Variants in GNAQ observed in about 807,000 individuals in gnomAD.
GNAQ encodes the protein G protein subunit alpha q, also known as guanine nucleotide-binding protein G(q) subunit alpha.
In GNAQ, 8 loss-of-function variants were observed where a neutral mutation model predicts 43.9. The observed-to-expected ratio is 0.18, with a 90% confidence interval of 0.11 to 0.33. The LOEUF is 0.33. Among genes scored for constraint, GNAQ ranks in the 10% least tolerant of loss-of-function variants. GNAQ has a pLI of 1.00. For missense variants in GNAQ, 158 were observed against 450.8 expected (o/e 0.35, Z 5.88); for synonymous variants, 155 against 170.7 (o/e 0.91, Z 0.71).
chr9:77,893,712 G>A (rs1828441725), intron 2 of GNAQ, among the ~76,000 whole-genome samples: 1 of 152,164 alleles, frequency 6.6e-6, no homozygotes, highest in Admixed American at 6.5e-5. Context: ...AAGCTGGGTT[G>A]TAAGGAAAAC....
chr9:78,029,817 T>C (rs1476146535), intron 1 of GNAQ, among the ~76,000 whole-genome samples: 2 of 152,224 alleles, frequency 1.3e-5, no homozygotes, highest in Non-Finnish European at 2.9e-5. Context: ...CAATATTCTT[T>C]TCTTACAGAA....
intron 2 of GNAQ, among the ~76,000 whole-genome samples, chr9:77,816,201 C>G (rs1295219251): frequency 6.6e-6 from 1 of 152,098 alleles, no homozygotes; most frequent in East Asian, 1.9e-4. Flanking sequence ...TGTTGTATGT[C>G]TAAGCAGAAA....
intron 2 of GNAQ, among the ~76,000 whole-genome samples, chr9:77,858,642 G>A (rs1827796720): frequency 6.6e-6 from 1 of 151,580 alleles, no homozygotes. Flanking sequence ...TGGAAATGCT[G>A]CCTAGTTCTC....
intron 2 of GNAQ, among the ~76,000 whole-genome samples, chr9:77,885,642 A>G (rs995366564): frequency 1.3e-5 from 2 of 152,124 alleles, no homozygotes; most frequent in African/African-American, 4.8e-5. Context: ...CAGGCCCCAA[A>G]TCTGAGGTTA....
intron 1 of GNAQ, among the ~76,000 whole-genome samples, chr9:77,954,191 G>A (rs1330468506): frequency 6.6e-6 from 1 of 152,172 alleles, no homozygotes; most frequent in Non-Finnish European, 1.5e-5. Flanking sequence ...ATTCAGCTGA[G>A]TTTCACTGCA....
At chr9:77,733,094 C>T (rs540488986) in intron 5 of GNAQ, among the ~76,000 whole-genome samples, 4 of 152,220 alleles carry the variant, frequency 2.6e-5, no homozygotes, top group South Asian at 2.1e-4. Context: ...AAGGGTAGAA[C>T]ACTAAACTGG....
chr9:77,777,315 T>C (rs1393503938), intron 5 of GNAQ, among the ~76,000 whole-genome samples: 3 of 152,094 alleles, frequency 2.0e-5, no homozygotes, highest in African/African-American at 7.2e-5. Flanking sequence ...AATACCATTG[T>C]AAATCAAGAG....
rs115831145 is a variant in GNAQ at position 77,944,335 on chromosome 9, C to G, written c.137-21990G>C. ...GCCATACCAGATCACCTGGCTCCAT[C>G]AAACAACCAATAGAGGCTGTTTTAT... On this transcript the variant is annotated intron_variant, in intron 1 of 6. Coordinates refer to ENST00000286548, the MANE Select transcript of GNAQ (RefSeq NM_002072.5). Among the ~76,000 whole-genome samples the G allele has an allele frequency of 4.8e-3, 732 of 151,690 alleles. 8 individuals are homozygous for G. Among genetic ancestry groups the G allele is most frequent in the African/African-American group, 0.017 (706 of 41,280 alleles).
intron 2 of GNAQ, among the ~76,000 whole-genome samples, chr9:77,860,418 G>A (rs2117970321): frequency 6.6e-6 from 1 of 152,320 alleles, no homozygotes; most frequent in East Asian, 1.9e-4. Context: ...ACCCCAGGGG[G>A]TATTCTGTTG....
intron 2 of GNAQ, among the ~76,000 whole-genome samples, chr9:77,853,175 T>C (rs1827697463): frequency 6.6e-6 from 1 of 152,200 alleles, no homozygotes; most frequent in African/African-American, 2.4e-5. Flanking sequence ...TCCTGTTTCA[T>C]GGTCTTCCAC....
chr9:77,815,858 A>G, intron 2 of GNAQ, 88 bp from the exon 3 acceptor site: 2 of 783,084 alleles, frequency 2.6e-6, no homozygotes. Flanking sequence ...CAATTCAGGT[A>G]ACACCTTCCT....
At chr9:77,944,150 T>C (rs1829354160) in intron 1 of GNAQ, among the ~76,000 whole-genome samples, 1 of 152,114 alleles carries the variant, frequency 6.6e-6, no homozygotes, top group African/African-American at 2.4e-5. Flanking sequence ...ATACATAATA[T>C]TAACAATAGG....
chr9:77,793,790 C>T (rs534280781), intron 5 of GNAQ, among the ~76,000 whole-genome samples: 31 of 152,198 alleles, frequency 2.0e-4, no homozygotes, highest in African/African-American at 7.2e-4. Flanking sequence ...ATCGTCAGGT[C>T]TTTACCATCC....
At chr9:77,862,371 T>C (rs1046470032) in intron 2 of GNAQ, among the ~76,000 whole-genome samples, 2 of 152,192 alleles carry the variant, frequency 1.3e-5, no homozygotes, top group Non-Finnish European at 2.9e-5. Flanking sequence ...GGCATTTCCA[T>C]ACATCCTCTG....
chr9:77,728,094 A>G (rs376318799), intron 6 of GNAQ, among the ~76,000 whole-genome samples: 112 of 152,076 alleles, frequency 7.4e-4, no homozygotes, highest in African/African-American at 2.5e-3. Flanking sequence ...TCCCGGGTTC[A>G]AGCAATTCTC....
At chr9:77,989,285 T>C (rs1823479846) in intron 1 of GNAQ, among the ~76,000 whole-genome samples, 1 of 152,158 alleles carries the variant, frequency 6.6e-6, no homozygotes, top group African/African-American at 2.4e-5. Flanking sequence ...CCATTAAACA[T>C]TTGCCAGCAA....
intron 5 of GNAQ, among the ~76,000 whole-genome samples, chr9:77,760,740 G>T (rs533405114): frequency 2.0e-5 from 3 of 151,294 alleles, no homozygotes; most frequent in Admixed American, 6.6e-5. Context: ...CTGCCCGGCC[G>T]CCATCCCATC....
intron 5 of GNAQ, among the ~76,000 whole-genome samples, chr9:77,782,794 G>C (rs1051240340): frequency 1.3e-5 from 2 of 152,180 alleles, no homozygotes; most frequent in Non-Finnish European, 2.9e-5. Flanking sequence ...TCTAGACAAT[G>C]AACTATTTCA....
In GNAQ at chr9:77,728,683, AAATC is replaced by A. The variant is rs769059079; in HGVS notation, c.736-20_736-17del. 119 of 1,552,432 alleles carry A rather than the reference AAATC, an allele frequency of 7.7e-5. No individual in the cohort carries two copies. The highest frequency in any genetic ancestry group is 8.7e-5 in the Non-Finnish European group (100 of 1,146,954). Reference sequence around the variant, plus strand: ...CCATTCGGTTCTGGAAAAAAAAAAAAAATCAGAAAAAACAAGGAGTGAATTACAT... The same window carrying A: ...CCATTCGGTTCTGGAAAAAAAAAAAAAGAAAAAACAAGGAGTGAATTACAT... On this transcript the variant is annotated splice_polypyrimidine_tract_variant and intron_variant, in intron 5 of 6. Transcript: ENST00000286548.
Sources: allele counts gnomAD v4.1 joint callset (sites outside exome capture counted in the v4.1 genomes callset), GRCh38; gene constraint gnomAD v4.1.1; transcripts MANE v1.5; gene names NCBI Gene and HGNC (gene_info 2026-07-23, HGNC 2026-07-21).